Variants in ADAMTSL3 observed in about 807,000 individuals in gnomAD.
ADAMTSL3 encodes ADAMTS like 3, also known as ADAMTS-like protein 3.
A neutral mutation model predicts 201.7 loss-of-function variants in ADAMTSL3; 128 were observed. That is an observed-to-expected ratio of 0.63 (90% CI 0.55 to 0.73). The LOEUF (loss-of-function observed/expected upper bound fraction) is 0.73. Ranked by LOEUF, ADAMTSL3 falls within the 30% of genes least tolerant of loss-of-function variation. The pLI is 0.00. For synonymous variants in ADAMTSL3, 738 were observed against 748.4 expected, an observed-to-expected ratio of 0.99 and a Z score of 0.23; for missense variants, 1,990 against 2,119.6, an observed-to-expected ratio of 0.94 and a Z score of 1.20.
At chr15:83,734,353 A>C (rs2062335387) in intron 3 of ADAMTSL3, among the ~76,000 whole-genome samples, 1 of 152,200 alleles carries the variant, frequency 6.6e-6, no homozygotes, top group South Asian at 2.1e-4. Flanking sequence ...TTTGATAGTT[A>C]ATGACACTGG....
intron 15 of ADAMTSL3, among the ~76,000 whole-genome samples, chr15:83,907,062 C>A (rs1283821108): frequency 6.8e-6 from 1 of 146,708 alleles, no homozygotes; most frequent in Non-Finnish European, 1.5e-5. Flanking sequence ...CCACTGCACT[C>A]CAGCCTGGGT....
rs1210439875 is a variant in ADAMTSL3 at position 83,982,359 on chromosome 15, G to C, written c.2731G>C (p.Glu911Gln). The C allele has an allele frequency of 6.2e-7, 1 of 1,614,052 alleles. No homozygotes were observed. The highest frequency in any genetic ancestry group is 2.2e-5 in the East Asian group (1 of 44,876). The stretch of plus-strand genomic sequence containing the variant: ...GAGAGTCTACATTCAGACAAGGGAA[G>C]AGAAGCGTATTAACCTGACCATTGG... ...VQRVYIQTRE[E>Q]KRINLTIGSR... The change falls in exon 21 of 30, where the codon GAG becomes CAG. Residue 911 changes from glutamate (E) to glutamine (Q), a missense_variant. Transcript: ENST00000286744.
intron 5 of ADAMTSL3, among the ~76,000 whole-genome samples, chr15:83,819,425 T>C (rs186500719): frequency 2.0e-5 from 3 of 152,152 alleles, no homozygotes; most frequent in African/African-American, 7.2e-5. Flanking sequence ...CCTGGAAAAA[T>C]TGAAAGCATT....
intron 7 of ADAMTSL3, among the ~76,000 whole-genome samples, chr15:83,843,892 G>A (rs2064437146): frequency 6.6e-6 from 1 of 152,176 alleles, no homozygotes; most frequent in Non-Finnish European, 1.5e-5. Context: ...CTGTTCAGAG[G>A]GAGGAGGAGA....
chr15:84,032,002 C>T (rs1189203111), intron 28 of ADAMTSL3, among the ~76,000 whole-genome samples: 2 of 152,040 alleles, frequency 1.3e-5, no homozygotes, highest in Non-Finnish European at 2.9e-5. Flanking sequence ...TCCAGATGCC[C>T]TCCATCTGGC....
chr15:83,873,091 G>C (rs2065112297), intron 9 of ADAMTSL3, among the ~76,000 whole-genome samples: 2 of 144,792 alleles, frequency 1.4e-5, no homozygotes, highest in Admixed American at 1.3e-4. Context: ...GATCACCTGA[G>C]GTCAGGAGTT....
At chr15:83,859,429 G>T (rs982888719) in intron 8 of ADAMTSL3, among the ~76,000 whole-genome samples, 1 of 152,182 alleles carries the variant, frequency 6.6e-6, no homozygotes, top group African/African-American at 2.4e-5. Context: ...TCTTACCGGA[G>T]GTCTCTGTGC....
chr15:83,747,757 C>T (rs1205128237), intron 3 of ADAMTSL3, among the ~76,000 whole-genome samples: 3 of 151,966 alleles, frequency 2.0e-5, no homozygotes, highest in Middle Eastern at 3.4e-3. Context: ...TAAGACAAAC[C>T]GATGTCTCCC....
At chr15:83,803,067 C>T (rs1341123738) in intron 4 of ADAMTSL3, among the ~76,000 whole-genome samples, 2 of 151,962 alleles carry the variant, frequency 1.3e-5, no homozygotes, top group Non-Finnish European at 2.9e-5. Context: ...AATAATTTTT[C>T]CAAAGAATTA....
At chr15:83,995,502 C>G (rs773443211) in intron 23 of ADAMTSL3, among the ~76,000 whole-genome samples, 1 of 152,110 alleles carries the variant, frequency 6.6e-6, no homozygotes, top group African/African-American at 2.4e-5. Context: ...ATCACTATAT[C>G]TGTTCAACAC....
intron 2 of ADAMTSL3, among the ~76,000 whole-genome samples, chr15:83,661,155 A>C: frequency 6.6e-6 from 1 of 151,718 alleles, no homozygotes; most frequent in African/African-American, 2.4e-5. Flanking sequence ...CTGTTTTGGT[A>C]CCAGTACCAT....
At chr15:83,747,588 T>C (rs1333118251) in intron 3 of ADAMTSL3, among the ~76,000 whole-genome samples, 1 of 152,086 alleles carries the variant, frequency 6.6e-6, no homozygotes, top group Non-Finnish European at 1.5e-5. Flanking sequence ...AAGGTCAGCT[T>C]TTAAGTGTTC....
chr15:83,844,460 A>G (rs753591018), intron 7 of ADAMTSL3, among the ~76,000 whole-genome samples: 1 of 152,224 alleles, frequency 6.6e-6, no homozygotes, highest in Admixed American at 6.5e-5. Context: ...CTAACATGGT[A>G]ACATGAATTG....
At chr15:83,986,750 T>C (rs2067484397) in intron 21 of ADAMTSL3, among the ~76,000 whole-genome samples, 1 of 152,226 alleles carries the variant, frequency 6.6e-6, no homozygotes, top group South Asian at 2.1e-4. Flanking sequence ...TGGAGTACTG[T>C]TCGGATGACA....
At chr15:84,025,476 TCCAC>T in intron 27 of ADAMTSL3, 40 bp downstream of exon 27, 8 of 1,581,832 alleles carry the variant, frequency 5.1e-6, no homozygotes, top group Non-Finnish European at 6.9e-6. Context: ...GCACTATCTG[TCCAC>T]ACAGATAGTG....
At chr15:84,012,847 A>T (rs1374636342) in intron 23 of ADAMTSL3, among the ~76,000 whole-genome samples, 1 of 152,234 alleles carries the variant, frequency 6.6e-6, no homozygotes, top group East Asian at 1.9e-4. Context: ...TTCAAATAGT[A>T]TATCTGAACA....
chr15:83,654,679 G>C lies in ADAMTSL3; in HGVS notation c.-34+403G>C, dbSNP rs374504138. 6.6e-6 allele frequency among the ~76,000 whole-genome samples: 1 copy of C among 152,154 alleles called. No homozygotes were observed. The highest frequency in any genetic ancestry group is 1.5e-5 in the Non-Finnish European group (1 of 68,018). ...AACGCCGGGGGTTGAGGCGACGCGC[G>C]ATCGTGGAAAGTGGGCGTGGGGGTG... is the stretch of plus-strand genomic sequence containing the variant. On this transcript the variant is annotated intron_variant, in intron 1 of 29. Transcript: ENST00000286744. The surrounding 1 kb of genome is among the most constrained non-coding windows in gnomAD (Gnocchi z 5.3).
chr15:83,935,102 G>A (rs1462066396), intron 17 of ADAMTSL3, among the ~76,000 whole-genome samples: 1 of 152,174 alleles, frequency 6.6e-6, no homozygotes, highest in East Asian at 1.9e-4. Context: ...CATTATTCTG[G>A]TGTTGGTTGC....
chr15:83,805,817 T>C (rs2063593925), intron 5 of ADAMTSL3, among the ~76,000 whole-genome samples: 1 of 152,146 alleles, frequency 6.6e-6, no homozygotes, highest in Non-Finnish European at 1.5e-5. Flanking sequence ...GATGGCAGCA[T>C]AGGGAGGAGG....
Sources: gnomAD v4.1 joint callset for allele counts (sites outside exome capture counted in the v4.1 genomes callset) on GRCh38, gnomAD v4.1.1 for gene constraint, Gnocchi (gnomAD v3.1) non-coding constraint, MANE v1.5 for transcripts, NCBI Gene and HGNC (gene_info 2026-07-23, HGNC 2026-07-21) for gene names.